The following UBE3D variants were observed in gnomAD, a reference collection of about 807,000 sequenced individuals.
UBE3D encodes E3 ubiquitin-protein ligase E3D.
Under a neutral mutation model 49.6 loss-of-function variants are expected in UBE3D, and 48 were observed. The observed-to-expected ratio is 0.97, with a 90% CI of 0.77 to 1.23. The LOEUF is 1.23. UBE3D is among the 50% of genes most tolerant of loss of function. The pLI is 0.00. For missense variants in UBE3D, 452 were observed against 468.4 expected (o/e 0.96, Z 0.32); for synonymous variants, 189 against 174.2 (o/e 1.08, Z -0.67).
chr6:82,923,100 C>T (rs1773473212), intron 9 of UBE3D, among the ~76,000 whole-genome samples: 1 of 152,158 alleles, frequency 6.6e-6, no homozygotes, highest in South Asian at 2.1e-4. Flanking sequence ...AATGCTTTTA[C>T]ACTGTTGGTG....
intron 9 of UBE3D, among the ~76,000 whole-genome samples, chr6:82,941,010 C>T (rs1428448967): frequency 6.6e-6 from 1 of 152,066 alleles, no homozygotes; most frequent in African/African-American, 2.4e-5. Flanking sequence ...GTCAGGAGTT[C>T]AAGACGAGCC....
intron 5 of UBE3D, among the ~76,000 whole-genome samples, chr6:83,027,308 T>C (rs1781532463): frequency 6.6e-6 from 1 of 150,736 alleles, no homozygotes; most frequent in Admixed American, 6.6e-5. Context: ...TGGAGGTGCA[T>C]GTGTGTAATC....
intron 8 of UBE3D, among the ~76,000 whole-genome samples, chr6:82,966,581 C>A (rs1244780413): frequency 6.3e-5 from 4 of 63,970 alleles, no homozygotes; most frequent in Non-Finnish European, 1.2e-4. Flanking sequence ...ACCCGGGAGG[C>A]GGAGCTTGCA....
intron 8 of UBE3D, among the ~76,000 whole-genome samples, chr6:82,982,787 T>C (rs1778201699): frequency 6.6e-6 from 1 of 152,190 alleles, no homozygotes; most frequent in Non-Finnish European, 1.5e-5. Flanking sequence ...AAAATGGTGT[T>C]AGCCCAATTC....
chr6:82,921,577 G>A (rs1773342528), intron 9 of UBE3D, among the ~76,000 whole-genome samples: 2 of 152,320 alleles, frequency 1.3e-5, no homozygotes, highest in Admixed American at 6.5e-5. Context: ...GGCAGATGGT[G>A]AATGAAGCAA....
intron 8 of UBE3D, among the ~76,000 whole-genome samples, chr6:83,002,628 T>C (rs1343397029): frequency 6.6e-6 from 1 of 152,234 alleles, no homozygotes; most frequent in Non-Finnish European, 1.5e-5. Flanking sequence ...GACGTTGCGG[T>C]GAGCCGAGAT....
At chr6:83,051,494 C>T (rs1446158181) in intron 3 of UBE3D, among the ~76,000 whole-genome samples, 2 of 152,204 alleles carry the variant, frequency 1.3e-5, no homozygotes, top group Non-Finnish European at 1.5e-5. Context: ...ATATCCTTTA[C>T]TGTAAGCAGA....
the UBE3D span, among the ~76,000 whole-genome samples, chr6:82,882,857 G>T: frequency 2.6e-5 from 4 of 152,030 alleles, no homozygotes; most frequent in East Asian, 7.7e-4. Flanking sequence ...ACATACAAAA[G>T]CCAGTGCTTG....
chr6:82,936,745 T>C (rs1319426232), intron 9 of UBE3D, among the ~76,000 whole-genome samples: 2 of 152,204 alleles, frequency 1.3e-5, no homozygotes, highest in African/African-American at 4.8e-5. Context: ...ATCACTTGGT[T>C]TGTGACCATC....
chr6:82,957,380 G>A lies in UBE3D; in HGVS notation c.1081C>T (p.Leu361=). 1 of 1,614,072 alleles carries A rather than the reference G, an allele frequency of 6.2e-7. No individual in the cohort carries two copies. Among genetic ancestry groups the A allele is most frequent in the Non-Finnish European group, 8.5e-7 (1 of 1,179,996 alleles). The change falls in exon 9 of 10, where the codon CTG becomes TTG. Residue 361 remains leucine (L), a synonymous_variant. Transcript: ENST00000369747. The stretch of plus-strand genomic sequence containing the variant: ...TTACTCTTTGACAATATCAACAGCA[G>A]CTCCAAGCAGGTTGCAGAGGGCAGG... ...LTLPSATCLE[L]LLILSKSNAN... is the part of the protein sequence containing the mutation.
At chr6:82,957,556 CA>C (rs1379722254) in intron 8 of UBE3D, 106 bp from the exon 9 acceptor site, 22 of 1,266,856 alleles carry the variant, frequency 1.7e-5, no homozygotes, top group Non-Finnish European at 2.4e-5. Flanking sequence ...AGGCAAAGTA[CA>C]AAAACTAGAA....
At chr6:82,972,976 A>T (rs1329234456) in intron 8 of UBE3D, among the ~76,000 whole-genome samples, 1 of 152,182 alleles carries the variant, frequency 6.6e-6, no homozygotes, top group Non-Finnish European at 1.5e-5. Context: ...AAATTATTTT[A>T]AAAAGCTATA....
chr6:82,979,639 G>A (rs1010289659), intron 8 of UBE3D, among the ~76,000 whole-genome samples: 1 of 152,132 alleles, frequency 6.6e-6, no homozygotes, highest in Non-Finnish European at 1.5e-5. Context: ...GGGGTAAGAT[G>A]TAATTTTGTT....
intron 8 of UBE3D, among the ~76,000 whole-genome samples, chr6:83,015,641 G>C (rs536867639): frequency 1.4e-4 from 22 of 152,184 alleles, no homozygotes; most frequent in Middle Eastern, 6.8e-3. Context: ...CCTCCTCATA[G>C]GTCACACTCT....
intron 8 of UBE3D, among the ~76,000 whole-genome samples, chr6:83,011,814 T>G (rs890624542): frequency 6.6e-6 from 1 of 151,966 alleles, no homozygotes; most frequent in African/African-American, 2.4e-5. Context: ...AAGCAAAAAT[T>G]TTGCTAGTGG....
At chr6:83,029,397 A>T (rs1781706604) in intron 5 of UBE3D, among the ~76,000 whole-genome samples, 1 of 152,080 alleles carries the variant, frequency 6.6e-6, no homozygotes, top group African/African-American at 2.4e-5. Context: ...TCATCTAGTG[A>T]ATTTTTCTTT....
chr6:82,888,096 G>C (rs931788413), downstream of UBE3D, among the ~76,000 whole-genome samples: 7 of 152,000 alleles, frequency 4.6e-5, no homozygotes, highest in African/African-American at 1.5e-4. Flanking sequence ...GCACTTATAA[G>C]GCGCTTTCTA....
At chr6:82,972,183 T>C (rs1302271977) in intron 8 of UBE3D, among the ~76,000 whole-genome samples, 1 of 152,228 alleles carries the variant, frequency 6.6e-6, no homozygotes, top group Non-Finnish European at 1.5e-5. Flanking sequence ...TCAGTATCCT[T>C]GGCTTCCCTT....
chr6:82,977,516 A>G (rs1462173532), intron 8 of UBE3D, among the ~76,000 whole-genome samples: 2 of 152,086 alleles, frequency 1.3e-5, no homozygotes, highest in Non-Finnish European at 2.9e-5. Flanking sequence ...CTTGATCCTG[A>G]TTTTATAACA....
Sources: gnomAD v4.1 joint callset for allele counts (sites outside exome capture counted in the v4.1 genomes callset) on GRCh38, gnomAD v4.1.1 for gene constraint, MANE v1.5 for transcripts, NCBI Gene and HGNC (gene_info 2026-07-23, HGNC 2026-07-21) for gene names.